Variants in RAPGEF4 observed in about 807,000 individuals in gnomAD.
RAPGEF4 encodes RAP guanine-nucleotide-exchange factor (GEF) 4.
RAPGEF4 carries 66 observed loss-of-function variants against 147.9 expected under a neutral mutation model. The ratio of observed to expected loss-of-function variants is 0.45; its 90% CI spans 0.37 to 0.55. The LOEUF is 0.55. Among genes scored for constraint, RAPGEF4 ranks in the 20% least tolerant of loss-of-function variants. RAPGEF4 has a pLI of 0.00. For synonymous variants in RAPGEF4, 419 were observed against 442.7 expected, an observed-to-expected ratio of 0.95 and a Z score of 0.67; for missense variants, 1,071 against 1,257.3, an observed-to-expected ratio of 0.85 and a Z score of 2.24.
At chr2:172,992,629 T>C (rs1002621617) in intron 15 of RAPGEF4, among the ~76,000 whole-genome samples, 2 of 152,186 alleles carry the variant, frequency 1.3e-5, no homozygotes, top group African/African-American at 4.8e-5. Context: ...CAAATATAGG[T>C]TTCTTATGAA....
chr2:172,758,250 G>C (rs1189956401), intron 1 of RAPGEF4, among the ~76,000 whole-genome samples: 1 of 152,112 alleles, frequency 6.6e-6, no homozygotes, highest in Non-Finnish European at 1.5e-5. Context: ...GGGATGGTAA[G>C]GATGTTGTGG....
At chr2:172,770,951 G>A (rs903969279) in intron 1 of RAPGEF4, among the ~76,000 whole-genome samples, 2 of 152,038 alleles carry the variant, frequency 1.3e-5, no homozygotes, top group Admixed American at 6.6e-5. Context: ...AAAAAAGGAT[G>A]GGAGGCACTG....
chr2:172,906,570 G>T (rs1357273693), intron 4 of RAPGEF4, among the ~76,000 whole-genome samples: 2 of 152,228 alleles, frequency 1.3e-5, no homozygotes, highest in Non-Finnish European at 2.9e-5. Flanking sequence ...AAAGCAAGGG[G>T]ACAGTTGTGG....
chr2:172,829,142 G>A (rs1054609944), intron 4 of RAPGEF4, among the ~76,000 whole-genome samples: 1 of 152,176 alleles, frequency 6.6e-6, no homozygotes, highest in Non-Finnish European at 1.5e-5. Flanking sequence ...GCCGTATGTT[G>A]CTTCAAAACT....
intron 26 of RAPGEF4, 86 bp downstream of exon 26, chr2:173,030,340 A>C: frequency 1.3e-5 from 13 of 1,036,282 alleles, no homozygotes; most frequent in Non-Finnish European, 1.7e-5. Flanking sequence ...TAGAAATATC[A>C]CTCACACTAG....
intron 26 of RAPGEF4, 63 bp downstream of exon 26, chr2:173,030,317 G>A: frequency 7.7e-7 from 1 of 1,306,936 alleles, no homozygotes; most frequent in Non-Finnish European, 1.1e-6. Context: ...AGGCTCACCA[G>A]TGAGCTTTTT....
At chr2:172,747,874 G>C (rs13019093) in intron 1 of RAPGEF4, among the ~76,000 whole-genome samples, 1 of 152,110 alleles carries the variant, frequency 6.6e-6, no homozygotes, top group Non-Finnish European at 1.5e-5. Flanking sequence ...GCTTCTAGGA[G>C]TTTGAATATT....
chr2:173,019,923 G>C (rs77323533), intron 22 of RAPGEF4, among the ~76,000 whole-genome samples: 12,350 of 152,106 alleles, frequency 0.081, 689 homozygotes, highest in South Asian at 0.21. Flanking sequence ...TTCTCACTCT[G>C]TAATCTATTT....
At chr2:172,859,115 A>G (rs1402180374) in intron 4 of RAPGEF4, among the ~76,000 whole-genome samples, 16 of 152,216 alleles carry the variant, frequency 1.1e-4, no homozygotes, top group Admixed American at 6.5e-4. Context: ...AAATGCAATA[A>G]CATGTTTAAA....
At chr2:172,995,982 A>G (rs1693316125) in intron 15 of RAPGEF4, among the ~76,000 whole-genome samples, 1 of 152,180 alleles carries the variant, frequency 6.6e-6, no homozygotes, top group Non-Finnish European at 1.5e-5. Flanking sequence ...AGCACATACC[A>G]GTGTACAGTT....
intron 4 of RAPGEF4, among the ~76,000 whole-genome samples, chr2:172,832,695 G>T (rs1357841243): frequency 6.6e-6 from 1 of 152,186 alleles, no homozygotes; most frequent in East Asian, 1.9e-4. Flanking sequence ...GCACAAAACT[G>T]ATTCAACTGT....
At chr2:173,004,784 A>G (rs772605898) in intron 17 of RAPGEF4, among the ~76,000 whole-genome samples, 14 of 152,186 alleles carry the variant, frequency 9.2e-5, no homozygotes, top group Middle Eastern at 6.8e-3. Flanking sequence ...ATTTATATAT[A>G]CATTTTTATG....
chr2:172,869,474 G>A (rs1046004794), intron 4 of RAPGEF4, among the ~76,000 whole-genome samples: 1 of 152,146 alleles, frequency 6.6e-6, no homozygotes, highest in African/African-American at 2.4e-5. Flanking sequence ...ATCTTGCATG[G>A]AGTTAATGGT....
intron 4 of RAPGEF4, among the ~76,000 whole-genome samples, chr2:172,912,629 T>C (rs1280909023): frequency 1.3e-5 from 2 of 152,210 alleles, no homozygotes; most frequent in Non-Finnish European, 2.9e-5. Context: ...TAGACCCTAA[T>C]TTATATTTAC....
intron 1 of RAPGEF4, among the ~76,000 whole-genome samples, chr2:172,775,709 TCAAAC>T (rs113339458): frequency 0.029 from 4,342 of 152,272 alleles, 231 homozygotes; most frequent in African/African-American, 0.098. Context: ...TGACAAAAGG[TCAAAC>T]TTTTGTCTAA....
chr2:172,885,870 C>T (rs898808337), intron 4 of RAPGEF4, among the ~76,000 whole-genome samples: 1 of 152,090 alleles, frequency 6.6e-6, no homozygotes, highest in Non-Finnish European at 1.5e-5. Flanking sequence ...AGTGCCAGAA[C>T]CTTTCATGGT....
intron 10 of RAPGEF4, among the ~76,000 whole-genome samples, chr2:172,974,061 A>G (rs796677511): frequency 3.9e-5 from 6 of 152,358 alleles, no homozygotes; most frequent in African/African-American, 1.2e-4. Flanking sequence ...GAATTTAACT[A>G]TAGCCACCAT....
intron 23 of RAPGEF4, among the ~76,000 whole-genome samples, chr2:173,022,921 T>C (rs1696251529): frequency 6.6e-6 from 1 of 152,244 alleles, no homozygotes; most frequent in African/African-American, 2.4e-5. Flanking sequence ...ATTCTACTTT[T>C]GTCCATTCAC....
intron 27 of RAPGEF4, among the ~76,000 whole-genome samples, chr2:173,035,353 A>G (rs1464834397): frequency 2.0e-5 from 3 of 151,970 alleles, no homozygotes; most frequent in South Asian, 4.2e-4. Context: ...CTAAAAAAAT[A>G]CAAAAAAATT....
Sources: allele counts gnomAD v4.1 joint callset (sites outside exome capture counted in the v4.1 genomes callset), GRCh38; gene constraint gnomAD v4.1.1; transcripts MANE v1.5; gene names NCBI Gene and HGNC (gene_info 2026-07-23, HGNC 2026-07-21).